Variants in ZNF18 observed in about 807,000 individuals in gnomAD.
ZNF18 encodes the protein heart development-specific gene 1 protein.
In ZNF18, 42 loss-of-function variants were observed where a neutral mutation model predicts 58.1. That is an observed-to-expected ratio of 0.72 (90% CI 0.56 to 0.93). The LOEUF (loss-of-function observed/expected upper bound fraction) is 0.93. ZNF18 is among the 40% of genes least tolerant of loss of function. The pLI, the probability that ZNF18 is intolerant of heterozygous loss-of-function variation, is 0.00. For synonymous variants in ZNF18, 231 were observed against 239.8 expected (o/e 0.96, Z 0.34); for missense variants, 540 against 644.2 (o/e 0.84, Z 1.75).
chr17:11,994,211 C>G (rs1403239226), intron 1 of ZNF18, among the ~76,000 whole-genome samples: 1 of 152,156 alleles, frequency 6.6e-6, no homozygotes, highest in Non-Finnish European at 1.5e-5. Context: ...CTGCTTATTT[C>G]TTAAGGTGTA....
the ZNF18 span, chr17:12,010,842 T>C: frequency 6.8e-5 from 32 of 471,410 alleles, no homozygotes; most frequent in African/African-American, 6.1e-4. Context: ...GGCACTTCAG[T>C]TGAACCCCAG....
At chr17:11,982,124 G>C (rs904381839) in intron 6 of ZNF18, among the ~76,000 whole-genome samples, 1 of 151,964 alleles carries the variant, frequency 6.6e-6, no homozygotes, top group Non-Finnish European at 1.5e-5. Flanking sequence ...CAAGAAAAGC[G>C]AGGTCAGCAA....
chr17:11,983,883 G>A (rs535777679), intron 5 of ZNF18, among the ~76,000 whole-genome samples: 7 of 152,218 alleles, frequency 4.6e-5, no homozygotes, highest in Admixed American at 2.0e-4. Flanking sequence ...AAGTTACTCC[G>A]TGCAATGTAC....
the ZNF18 span, among the ~76,000 whole-genome samples, chr17:12,010,378 T>G: frequency 6.6e-6 from 1 of 152,180 alleles, no homozygotes; most frequent in South Asian, 2.1e-4. Flanking sequence ...AAGAACAGAC[T>G]GCTTTTCTTT....
chr17:11,977,634 A>AGCACTGTAG lies in ZNF18; in HGVS notation c.*322_*323insCTACAGTGC, dbSNP rs2151464518. 1 of 240,114 alleles carries AGCACTGTAG rather than the reference A, an allele frequency of 4.2e-6. No individual in the cohort carries two copies. Among genetic ancestry groups the AGCACTGTAG allele is most frequent in the Admixed American group, 5.0e-5 (1 of 20,108 alleles). 14.9% of individuals were successfully genotyped at this position (240,114 alleles called of 1,614,324 possible). ...TTCCCATAAGCAGTGACTACAGCTAATCCCATTAAATGCTTCCCAGAAAGC... is the reference window on the plus strand; with the variant it reads ...TTCCCATAAGCAGTGACTACAGCTAAGCACTGTAGTCCCATTAAATGCTTCCCAGAAAGC... On this transcript the variant is annotated 3_prime_UTR_variant, in exon 7 of 7. Transcript: ENST00000580306.
chr17:11,995,877 A>C (rs1228092062), intron 1 of ZNF18, among the ~76,000 whole-genome samples: 1 of 152,166 alleles, frequency 6.6e-6, no homozygotes, highest in Non-Finnish European at 1.5e-5. Context: ...TAGCTCTAAA[A>C]ATATTACGCA....
At chr17:12,004,385 A>G in the ZNF18 span, among the ~76,000 whole-genome samples, 1 of 152,232 alleles carries the variant, frequency 6.6e-6, no homozygotes, top group African/African-American at 2.4e-5. Flanking sequence ...ACATTTAACT[A>G]ACCCTAGTTT....
At chr17:11,994,733 C>T (rs554567647) in intron 1 of ZNF18, among the ~76,000 whole-genome samples, 6 of 151,650 alleles carry the variant, frequency 4.0e-5, no homozygotes, top group South Asian at 4.2e-4. Context: ...CCCAGCTACT[C>T]GGGAGGCTGA....
rs79704037 is a variant in ZNF18, at chr17:11,988,685, A to G, written c.666+1777T>C. ...GGAAGTGCCTTAGCATGGAAAGAAT[A>G]ATCCTCGACTAAATGTTTCTCTGGT... On this transcript the variant is annotated intron_variant, in intron 4 of 6. Transcript: ENST00000580306. Among the ~76,000 whole-genome samples, 503 of 152,304 alleles carry G rather than the reference A, an allele frequency of 3.3e-3. 5 individuals are homozygous for G. In the East Asian group the frequency reaches 0.051, roughly 16 times the overall value.
At chr17:11,990,425 A>G in intron 4 of ZNF18, 37 bp downstream of exon 4, 1 of 1,569,224 alleles carries the variant, frequency 6.4e-7, no homozygotes, top group Non-Finnish European at 8.7e-7. Context: ...TAAAAGGTAA[A>G]AAGTTTCCTT....
chr17:12,016,683 C>G, the ZNF18 span, among the ~76,000 whole-genome samples: 1 of 151,718 alleles, frequency 6.6e-6, no homozygotes, highest in Non-Finnish European at 1.5e-5. Flanking sequence ...AGTATGTGGA[C>G]AGGTTGTGGG....
chr17:12,009,801 G>A, the ZNF18 span, among the ~76,000 whole-genome samples: 1 of 152,022 alleles, frequency 6.6e-6, no homozygotes, highest in Non-Finnish European at 1.5e-5. Context: ...TGCGTGAGAC[G>A]TAAAAGAAAC....
At chr17:11,993,848 A>AAG (rs1389953667) in intron 1 of ZNF18, among the ~76,000 whole-genome samples, 1 of 146,388 alleles carries the variant, frequency 6.8e-6, no homozygotes, top group East Asian at 2.0e-4. Flanking sequence ...AAAAAAAAAA[A>AAG]AGAGGGTTGA....
At chr17:11,991,837 G>A (rs1231575606) in intron 2 of ZNF18, among the ~76,000 whole-genome samples, 1 of 152,128 alleles carries the variant, frequency 6.6e-6, no homozygotes, top group East Asian at 1.9e-4. Context: ...GAGGGCAGCT[G>A]GAGATACTCA....
chr17:11,988,637 A>G (rs910011225), intron 4 of ZNF18, among the ~76,000 whole-genome samples: 1 of 152,236 alleles, frequency 6.6e-6, no homozygotes, highest in Non-Finnish European at 1.5e-5. Flanking sequence ...AAGGGGCATC[A>G]GATTACTCAG....
rs1295818586 is a variant in ZNF18, at chr17:11,983,411, TAGAG to T, written c.752-8_752-5del. ...GATTTGGGATGGGAAATGCCTGCTA[TAGAG>T]AGAAAGATGTATGGTGGGCCTGGAT... is the stretch of plus-strand genomic sequence containing the variant. On this transcript the variant is annotated splice_polypyrimidine_tract_variant and splice_region_variant and intron_variant, in intron 5 of 6. Transcript: ENST00000580306. 6.2e-7 allele frequency: 1 copy of T among 1,610,772 alleles called. No individual in the cohort carries two copies. The highest frequency in any genetic ancestry group is 1.3e-5 in the African/African-American group (1 of 74,822).
chr17:11,991,318 G>C (rs1968114122), intron 2 of ZNF18, among the ~76,000 whole-genome samples, 155 bp from the exon 3 acceptor site: 2 of 152,216 alleles, frequency 1.3e-5, no homozygotes, highest in Admixed American at 6.5e-5. Flanking sequence ...GCAGGAACCA[G>C]GGAAAGAAAC....
rs1281234210 is a variant in ZNF18, at chr17:11,978,480, T to G, written c.1127A>C (p.Asn376Thr). 6.3e-7 allele frequency: 1 copy of G among 1,597,906 alleles called. No individual in the cohort carries two copies. Among genetic ancestry groups the G allele is most frequent in the South Asian group, 1.1e-5 (1 of 88,468 alleles). Residue 376 changes from asparagine (N) to threonine (T), a missense_variant, in exon 7 of 7, where the codon AAT (asparagine) becomes ACT (threonine). Coordinates refer to ENST00000580306, the MANE Select transcript of ZNF18 (RefSeq NM_001303281.2). Reference sequence around the variant, plus strand: ...GGTGGACATTTCTCCTGAATGAGGATTAGGCAAATGCTGACCTAGTTGTTT... The same window carrying G: ...GGTGGACATTTCTCCTGAATGAGGAGTAGGCAAATGCTGACCTAGTTGTTT... ...SEKQLGQHLP[N>T]PHSGEMSTMW... is the part of the protein sequence containing the mutation.
At chr17:11,998,593 T>C (rs577548705), upstream of ZNF18, among the ~76,000 whole-genome samples, 1 of 151,354 alleles carries the variant, frequency 6.6e-6, no homozygotes, top group South Asian at 2.1e-4. Flanking sequence ...TAACATGTCC[T>C]GTACCTGTCA....
Sources: allele counts gnomAD v4.1 joint callset (sites outside exome capture counted in the v4.1 genomes callset), GRCh38; gene constraint gnomAD v4.1.1; transcripts MANE v1.5; gene names NCBI Gene and HGNC (gene_info 2026-07-23, HGNC 2026-07-21).